AKAP13: variants seen among roughly 807,000 people sequenced by gnomAD.
The protein encoded by AKAP13 is A-kinase anchoring protein 13, also known as A-kinase anchor protein 13.
A neutral mutation model predicts 264.5 loss-of-function variants in AKAP13; 80 were observed. The ratio of observed to expected loss-of-function variants is 0.30; its 90% CI spans 0.25 to 0.36. The LOEUF is 0.36. Among genes scored for constraint, AKAP13 ranks in the 10% least tolerant of loss-of-function variants. AKAP13 has a pLI of 1.00. For synonymous variants in AKAP13, 1,380 were observed against 1,250.2 expected, an observed-to-expected ratio of 1.10 and a Z score of -2.19; for missense variants, 3,712 against 3,435.2, an observed-to-expected ratio of 1.08 and a Z score of -2.01.
At chr15:85,486,904 A>T (rs1348647180) in intron 2 of AKAP13, among the ~76,000 whole-genome samples, 1 of 151,772 alleles carries the variant, frequency 6.6e-6, no homozygotes, top group Non-Finnish European at 1.5e-5. Flanking sequence ...ACTCCTGGCT[A>T]ATTTTTTGTA....
chr15:85,730,487 C>G (rs752710017), intron 29 of AKAP13, 26 bp from the exon 30 acceptor site: 4 of 1,608,362 alleles, frequency 2.5e-6, no homozygotes, highest in Non-Finnish European at 3.4e-6. Flanking sequence ...CCAATCAAAT[C>G]ACAGATCATT....
At position 85,682,119 on chromosome 15, in the gene AKAP13, A is replaced by G. The variant is rs755813954; in HGVS notation, c.5102-39A>G. ...ATATTCTACCCGGCATCAGTGTTAA[A>G]TTTTTTGGTTCTAACTTTTTTTCTG... On this transcript the variant is annotated intron_variant, in intron 14 of 36. Transcript: ENST00000394518. The G allele has an allele frequency of 1.1e-5, 17 of 1,597,788 alleles. No homozygotes were observed. The Admixed American group carries it at 1.5e-4, about 14-fold the overall frequency.
At chr15:85,431,174 C>G (rs1382029386) in intron 1 of AKAP13, among the ~76,000 whole-genome samples, 1 of 152,182 alleles carries the variant, frequency 6.6e-6, no homozygotes, top group African/African-American at 2.4e-5. Flanking sequence ...TGTACAGGAT[C>G]ATGCTCACTC....
intron 23 of AKAP13, among the ~76,000 whole-genome samples, chr15:85,719,644 CAATT>C (rs558330289): frequency 9.9e-5 from 15 of 152,180 alleles, no homozygotes; most frequent in African/African-American, 2.6e-4. Flanking sequence ...TTTAAGAAAT[CAATT>C]AATATGGCCA....
chr15:85,673,694 G>GTTT (rs2084052641), intron 14 of AKAP13, among the ~76,000 whole-genome samples: 2 of 84,148 alleles, frequency 2.4e-5, no homozygotes, highest in Non-Finnish European at 4.6e-5. Context: ...TTTTTTTTTG[G>GTTT]GGAGACAGAA....
intron 10 of AKAP13, among the ~76,000 whole-genome samples, chr15:85,653,248 A>G (rs910137694): frequency 6.6e-6 from 1 of 152,182 alleles, no homozygotes; most frequent in African/African-American, 2.4e-5. Context: ...TCTGATACTG[A>G]CTTTGATATC....
Position 85,724,481 on chromosome 15 carries a change from G to A in AKAP13, c.6745+1161G>A, listed in dbSNP as rs974790341. On this transcript the variant is annotated intron_variant, in intron 26 of 36. Transcript: ENST00000394518. This position sits in a 1 kb window ranked among gnomAD's most constrained non-coding sequence, Gnocchi z 4.2. ...GGAAGCACAGAGTTGAAAGGGTGTG[G>A]CACATCCAGGGAAGAGTGGACACCC... Among the ~76,000 whole-genome samples the A allele has an allele frequency of 7.7e-5, 11 of 142,766 alleles. No homozygotes were observed. Among genetic ancestry groups the A allele is most frequent in the African/African-American group, 2.9e-4 (11 of 37,492 alleles). 93.7% of individuals were successfully genotyped at this position (142,766 alleles called of 152,430 possible).
chr15:85,579,310 C>A lies in AKAP13; in HGVS notation c.1242C>A (p.Gly414=). The change falls in exon 7 of 37, where the codon GGC becomes GGA. Residue 414 remains glycine, a synonymous_variant. Coordinates refer to ENST00000394518, the MANE Select transcript of AKAP13 (RefSeq NM_007200.5). ...LPDCGVKGTE[G]LSSCGNRNEE... ...ATTGTGGAGTAAAGGGCACGGAAGG[C>A]CTTTCGTCCTGTGGAAACAGAAATG... 1 of 1,614,182 alleles carries A rather than the reference C, an allele frequency of 6.2e-7. No individual in the cohort carries two copies. Among genetic ancestry groups the A allele is most frequent in the Non-Finnish European group, 8.5e-7 (1 of 1,180,028 alleles).
chr15:85,546,024 T>G (rs1373727110), intron 5 of AKAP13, among the ~76,000 whole-genome samples: 2 of 152,114 alleles, frequency 1.3e-5, no homozygotes. Flanking sequence ...CTCCTTTCTG[T>G]CTCTAAGAAT....
intron 1 of AKAP13, among the ~76,000 whole-genome samples, chr15:85,441,594 A>G (rs8029057): frequency 3.9e-5 from 6 of 152,066 alleles, no homozygotes; most frequent in Non-Finnish European, 8.8e-5. Context: ...CAAGATCACA[A>G]AGATTTTCTC....
intron 8 of AKAP13, among the ~76,000 whole-genome samples, chr15:85,602,560 C>T (rs763654537): frequency 5.9e-5 from 9 of 152,054 alleles, no homozygotes; most frequent in African/African-American, 1.2e-4. Flanking sequence ...AGTCTTGGCT[C>T]ACTGCCACCC....
At chr15:85,505,736 A>G (rs2076200811) in intron 2 of AKAP13, among the ~76,000 whole-genome samples, 1 of 152,190 alleles carries the variant, frequency 6.6e-6, no homozygotes, top group Non-Finnish European at 1.5e-5. Context: ...GCTAGTTTCA[A>G]GAATGCGTTT....
At chr15:85,546,194 C>T (rs1376466003) in intron 5 of AKAP13, among the ~76,000 whole-genome samples, 1 of 151,898 alleles carries the variant, frequency 6.6e-6, no homozygotes, top group Non-Finnish European at 1.5e-5. Flanking sequence ...TATTTCTCAC[C>T]ACAAAAAAAT....
Position 85,715,987 on chromosome 15 carries a change from T to A in AKAP13, c.5735+64T>A, listed in dbSNP as rs1288292001. 8 of 1,473,418 alleles carry A rather than the reference T, an allele frequency of 5.4e-6. 1 individual carries two copies. The South Asian group carries it at 6.3e-5, about 12-fold the overall frequency. The allele number at this position is 1,473,418 out of a possible 1,614,324, so 91.3% of individuals were successfully genotyped here. The stretch of plus-strand genomic sequence containing the variant: ...AGGTGACCAGAGCATAATAATCACA[T>A]CATATGACAAAAAGCTTTTTTTTTT... On this transcript the variant is annotated intron_variant, in intron 20 of 36. Coordinates refer to ENST00000394518, the MANE Select transcript of AKAP13 (RefSeq NM_007200.5).
intron 3 of AKAP13, among the ~76,000 whole-genome samples, chr15:85,522,851 C>T (rs12899946): frequency 0.52 from 77,685 of 149,488 alleles, 20,731 homozygotes; most frequent in Middle Eastern, 0.62. Flanking sequence ...AATCATCTCT[C>T]CTCTTAGCCA....
intron 1 of AKAP13, among the ~76,000 whole-genome samples, chr15:85,470,384 C>T (rs144837840): frequency 2.2e-4 from 34 of 152,258 alleles, no homozygotes; most frequent in African/African-American, 7.5e-4. Flanking sequence ...CTTTTTAAAA[C>T]GCCAGTTTAT....
intron 3 of AKAP13, among the ~76,000 whole-genome samples, chr15:85,532,592 G>C (rs1207604569): frequency 6.6e-6 from 1 of 152,228 alleles, no homozygotes; most frequent in Non-Finnish European, 1.5e-5. Context: ...GGTGATAGGA[G>C]CATAGTTCTG....
intron 16 of AKAP13, among the ~76,000 whole-genome samples, chr15:85,692,052 G>A (rs2085315655): frequency 6.6e-6 from 1 of 152,050 alleles, no homozygotes; most frequent in African/African-American, 2.4e-5. Flanking sequence ...GAACAACAAA[G>A]GTGGTTTTTG....
Position 85,424,480 on chromosome 15 carries a change from A to T in AKAP13, c.-12+43682A>T, listed in dbSNP as rs758355608. Among the ~76,000 whole-genome samples the T allele has an allele frequency of 3.0e-4, 45 of 152,070 alleles. 1 individual carries two copies. Among genetic ancestry groups the T allele is most frequent in the Non-Finnish European group, 4.9e-4 (33 of 68,030 alleles). ...TCTCAGCCTTCATAGAACTGAAGAGATTATTTAGGGCCTTACTCTGGATTG... is the reference window on the plus strand; with the variant it reads ...TCTCAGCCTTCATAGAACTGAAGAGTTTATTTAGGGCCTTACTCTGGATTG... On this transcript the variant is annotated intron_variant, in intron 1 of 36. Coordinates refer to ENST00000394518, the MANE Select transcript of AKAP13 (RefSeq NM_007200.5).
Sources: allele counts gnomAD v4.1 joint callset (sites outside exome capture counted in the v4.1 genomes callset), GRCh38; gene constraint gnomAD v4.1.1; non-coding constraint Gnocchi (gnomAD v3.1); transcripts MANE v1.5; gene names NCBI Gene and HGNC (gene_info 2026-07-23, HGNC 2026-07-21).